Variants in IQCJ observed in about 807,000 individuals in gnomAD.
The protein encoded by IQCJ is IQ domain-containing protein J.
A neutral mutation model predicts 11.0 loss-of-function variants in IQCJ; 9 were observed. The observed-to-expected ratio is 0.82, with a 90% CI of 0.49 to 1.43. IQCJ has a LOEUF of 1.43. IQCJ is among the 40% of genes most tolerant of loss of function. The pLI is 0.00. For synonymous variants in IQCJ, 55 were observed against 51.3 expected, an observed-to-expected ratio of 1.07 and a Z score of -0.31; for missense variants, 146 against 133.2, an observed-to-expected ratio of 1.10 and a Z score of -0.47.
chr3:159,114,264 T>C (rs1472581), intron 1 of IQCJ, among the ~76,000 whole-genome samples: 105,877 of 151,510 alleles, frequency 0.7, 37,060 homozygotes, highest in Admixed American at 0.73. Flanking sequence ...TATCTCACAC[T>C]TATCAGTGAC....
chr3:159,230,682 A>C (rs1366777787), intron 1 of IQCJ, among the ~76,000 whole-genome samples: 2 of 152,266 alleles, frequency 1.3e-5, no homozygotes, highest in East Asian at 3.8e-4. Flanking sequence ...TATGGCATTT[A>C]AAAGAAGAAT....
intron 1 of IQCJ, among the ~76,000 whole-genome samples, chr3:159,091,867 G>A (rs1367155539): frequency 6.6e-6 from 1 of 151,574 alleles, no homozygotes; most frequent in African/African-American, 2.4e-5. Context: ...AGGAAAGAGT[G>A]GTGCAGAAAG....
At chr3:159,152,294 G>A (rs1721274544) in intron 1 of IQCJ, among the ~76,000 whole-genome samples, 1 of 152,134 alleles carries the variant, frequency 6.6e-6, no homozygotes, top group South Asian at 2.1e-4. Context: ...TTTGTGCTTG[G>A]AAGTAAATAT....
intron 1 of IQCJ, among the ~76,000 whole-genome samples, chr3:159,096,580 A>C (rs1379317413): frequency 2.7e-4 from 7 of 26,392 alleles, no homozygotes; most frequent in Admixed American, 2.4e-3. Flanking sequence ...AGCTTTCTAC[A>C]TATGGCTAGC....
intron 1 of IQCJ, among the ~76,000 whole-genome samples, chr3:159,151,277 T>A (rs1220150768): frequency 6.6e-6 from 1 of 152,194 alleles, no homozygotes; most frequent in Non-Finnish European, 1.5e-5. Flanking sequence ...ACACCCTCCT[T>A]GTGTGTTCCC....
chr3:159,124,557 TC>T (rs1191284819), intron 1 of IQCJ, among the ~76,000 whole-genome samples: 3 of 152,108 alleles, frequency 2.0e-5, no homozygotes, highest in Non-Finnish European at 4.4e-5. Flanking sequence ...ATAAGCAGGT[TC>T]CCCTGACACA....
intron 1 of IQCJ, among the ~76,000 whole-genome samples, chr3:159,237,691 C>T (rs185784614): frequency 1.8e-3 from 270 of 152,184 alleles, no homozygotes; most frequent in Middle Eastern, 0.017. Flanking sequence ...GAGGTCTAGC[C>T]TACATTTAAA....
chr3:159,254,780 C>A (rs1727795953), intron 3 of IQCJ, among the ~76,000 whole-genome samples: 1 of 152,080 alleles, frequency 6.6e-6, no homozygotes, highest in African/African-American at 2.4e-5. Flanking sequence ...TACTAAATAC[C>A]AAGACTGCCC....
At position 159,151,265 on chromosome 3, in the gene IQCJ, C is replaced by G. The variant is rs900976028; in HGVS notation, c.9+81824C>G. ...TGGGGAGCCACTGTGCTCTGTCAGC[C>G]CACACCCTCCTTGTGTGTTCCCTCC... On this transcript the variant is annotated intron_variant, in intron 1 of 3. Transcript: ENST00000397832. Among the ~76,000 whole-genome samples, 9 of 152,296 alleles carry G rather than the reference C, an allele frequency of 5.9e-5. No homozygotes were observed. The South Asian group carries it at 1.2e-3, about 21-fold the overall frequency.
At chr3:159,081,445 TA>T (rs1347020168) in intron 1 of IQCJ, among the ~76,000 whole-genome samples, 1 of 152,070 alleles carries the variant, frequency 6.6e-6, no homozygotes, top group Non-Finnish European at 1.5e-5. Context: ...CCACCAAAAA[TA>T]CTGCCAATAC....
rs532347896 is a variant in IQCJ, at chr3:159,085,414, G to C, written c.9+15973G>C. On this transcript the variant is annotated intron_variant, in intron 1 of 3. Transcript: ENST00000397832. ...TGTCTTTAAAGCAGCATGATTTATA[G>C]TCATTTGGGTATATACCCAGTAATG... 1.9e-3 allele frequency among the ~76,000 whole-genome samples: 286 copies of C among 152,186 alleles called. 1 individual carries two copies. The highest frequency in any genetic ancestry group is 3.5e-3 in the Non-Finnish European group (241 of 68,008).
intron 1 of IQCJ, among the ~76,000 whole-genome samples, chr3:159,145,974 C>T (rs751460308): frequency 1.7e-4 from 26 of 152,006 alleles, no homozygotes; most frequent in Admixed American, 6.6e-4. Flanking sequence ...GCTATTTCTT[C>T]GAAGGCTACA....
chr3:159,152,477 C>T lies in IQCJ; in HGVS notation c.9+83036C>T, dbSNP rs533900395. On this transcript the variant is annotated intron_variant, in intron 1 of 3. Coordinates refer to ENST00000397832, the MANE Select transcript of IQCJ (RefSeq NM_001042706.3). ...ACCATGTGTCTGAACTAGGAGAGACCATGGGTTAATAAAGTCAGACTAAAG... is the reference window on the plus strand; with the variant it reads ...ACCATGTGTCTGAACTAGGAGAGACTATGGGTTAATAAAGTCAGACTAAAG... 1.4e-4 allele frequency among the ~76,000 whole-genome samples: 22 copies of T among 152,150 alleles called. 1 individual carries two copies. Among genetic ancestry groups the T allele is most frequent in the African/African-American group, 5.1e-4 (21 of 41,506 alleles).
chr3:159,261,261 C>A (rs1728186490), intron 3 of IQCJ, among the ~76,000 whole-genome samples: 1 of 152,166 alleles, frequency 6.6e-6, no homozygotes, highest in African/African-American at 2.4e-5. Flanking sequence ...CTATCTTAAA[C>A]TATTTTAAAA....
In IQCJ at chr3:159,093,670, G is replaced by T. The variant is rs911477099; in HGVS notation, c.9+24229G>T. On this transcript the variant is annotated intron_variant, in intron 1 of 3. Transcript: ENST00000397832. ...GCCTGAGATTGGGTAGTTTATAAAGGAAAGAGGTTTAATTGACTCACAGTT... is the reference window on the plus strand; with the variant it reads ...GCCTGAGATTGGGTAGTTTATAAAGTAAAGAGGTTTAATTGACTCACAGTT... Among the ~76,000 whole-genome samples, 68 of 151,970 alleles carry T rather than the reference G, an allele frequency of 4.5e-4. 3 individuals carry two copies. The highest frequency in any genetic ancestry group is 1.6e-3 in the African/African-American group (66 of 41,266).
chr3:159,226,460 TGA>T (rs1489717269), intron 1 of IQCJ, among the ~76,000 whole-genome samples: 1 of 152,134 alleles, frequency 6.6e-6, no homozygotes, highest in African/African-American at 2.4e-5. Flanking sequence ...CAGGAAATGA[TGA>T]GAGTTTTAGG....
At chr3:159,069,729 T>A (rs1715418542) in intron 1 of IQCJ, 2 of 559,898 alleles carry the variant, frequency 3.6e-6, no homozygotes, top group Non-Finnish European at 6.6e-6. Flanking sequence ...CATCCAGATT[T>A]TCTAGTCAGA....
intron 1 of IQCJ, among the ~76,000 whole-genome samples, chr3:159,208,269 C>A (rs1724766342): frequency 1.3e-5 from 2 of 152,158 alleles, no homozygotes; most frequent in Non-Finnish European, 2.9e-5. Flanking sequence ...CATCCCAGCC[C>A]AGCCAGTCCT....
intron 1 of IQCJ, among the ~76,000 whole-genome samples, chr3:159,096,466 C>G (rs1295723571): frequency 7.8e-6 from 1 of 128,406 alleles, no homozygotes; most frequent in East Asian, 2.4e-4. Context: ...ATGGTAATGC[C>G]TAGGTTTTCT....
Sources: allele counts gnomAD v4.1 joint callset (sites outside exome capture counted in the v4.1 genomes callset), GRCh38; gene constraint gnomAD v4.1.1; transcripts MANE v1.5; gene names NCBI Gene and HGNC (gene_info 2026-07-23, HGNC 2026-07-21).